MOV10L1: variants seen among roughly 807,000 people sequenced by gnomAD.
The protein encoded by MOV10L1 is Mov10 like RNA helicase 1.
A neutral mutation model predicts 143.8 loss-of-function variants in MOV10L1; 110 were observed. The observed-to-expected ratio is 0.76, with a 90% CI of 0.66 to 0.90. The LOEUF (loss-of-function observed/expected upper bound fraction) is 0.90, where lower values mean the gene tolerates loss of function less well. MOV10L1 is among the 40% of genes least tolerant of loss of function. The pLI is 0.00. For synonymous variants in MOV10L1, 593 were observed against 581.1 expected, an observed-to-expected ratio of 1.02 and a Z score of -0.29; for missense variants, 1,406 against 1,526.8, an observed-to-expected ratio of 0.92 and a Z score of 1.32.
chr22:50,132,136 T>C (rs191863650), intron 13 of MOV10L1, among the ~76,000 whole-genome samples: 2 of 152,284 alleles, frequency 1.3e-5, no homozygotes, highest in East Asian at 3.9e-4. Context: ...CAACTCCTCA[T>C]ACCCAGTAAC....
intron 13 of MOV10L1, 64 bp downstream of exon 13, chr22:50,128,571 G>T (rs577967927): frequency 6.2e-5 from 48 of 777,156 alleles, no homozygotes; most frequent in South Asian, 4.1e-4. Context: ...TTGAGACTGG[G>T]TCTCATTCTG....
At chr22:50,146,549 G>A (rs1013627138) in intron 19 of MOV10L1, among the ~76,000 whole-genome samples, 2 of 152,142 alleles carry the variant, frequency 1.3e-5, no homozygotes, top group African/African-American at 4.8e-5. Flanking sequence ...GGCTGAGGGT[G>A]AGAGAGGGAG....
intron 6 of MOV10L1, 122 bp downstream of exon 6, chr22:50,113,910 T>A: frequency 1.3e-6 from 1 of 781,258 alleles, no homozygotes; most frequent in Non-Finnish European, 1.7e-6. Context: ...TGAAGATCTT[T>A]TCTTTTTTTT....
At chr22:50,117,682 C>T (rs977751621) in intron 9 of MOV10L1, among the ~76,000 whole-genome samples, 64 of 152,194 alleles carry the variant, frequency 4.2e-4, no homozygotes, top group African/African-American at 1.4e-3. Flanking sequence ...CCACCTCTCC[C>T]GTCCTGACGA....
chr22:50,149,361 C>T, intron 19 of MOV10L1: 1 of 492,632 alleles, frequency 2.0e-6, no homozygotes. Context: ...GCTCCCACCC[C>T]TTCTTCCCTC....
chr22:50,133,725 G>A (rs1223408056), intron 13 of MOV10L1, among the ~76,000 whole-genome samples: 1 of 151,970 alleles, frequency 6.6e-6, no homozygotes, highest in South Asian at 2.1e-4. Flanking sequence ...TGTATTTTTA[G>A]TAGAGGCAGG....
rs1017060293 is a variant in MOV10L1 at position 50,161,363 on chromosome 22, T to C, written c.3555-5T>C. 11 of 1,588,440 alleles carry C rather than the reference T, an allele frequency of 6.9e-6. No homozygotes were observed. In the South Asian group the frequency reaches 8.0e-5, roughly 12 times the overall value. On this transcript the variant is annotated splice_polypyrimidine_tract_variant and splice_region_variant and intron_variant, in intron 26 of 26. Transcript: ENST00000262794. ...ACTGGCCATCCGCTTCTCCTCTGTCTACAGCTGTGGCGAGGGGGTGGCAGA... is the reference window on the plus strand; with the variant it reads ...ACTGGCCATCCGCTTCTCCTCTGTCCACAGCTGTGGCGAGGGGGTGGCAGA...
chr22:50,139,684 C>T (rs1057463988), intron 15 of MOV10L1, among the ~76,000 whole-genome samples: 1 of 152,146 alleles, frequency 6.6e-6, no homozygotes. Flanking sequence ...TGCCTAAGAA[C>T]TCAATTTTTT....
intron 10 of MOV10L1, among the ~76,000 whole-genome samples, chr22:50,123,016 A>G (rs1012117380): frequency 1.3e-5 from 2 of 151,510 alleles, no homozygotes; most frequent in Admixed American, 1.3e-4. Context: ...TTCTCTTCCT[A>G]GTTTGTTAAA....
chr22:50,138,821 G>A (rs951367380), intron 15 of MOV10L1, among the ~76,000 whole-genome samples: 8 of 151,762 alleles, frequency 5.3e-5, no homozygotes, highest in African/African-American at 1.7e-4. Context: ...CTCCTGCCTC[G>A]GCCTCCTGAG....
chr22:50,130,580 G>C (rs1172476288), intron 13 of MOV10L1, among the ~76,000 whole-genome samples: 2 of 152,124 alleles, frequency 1.3e-5, no homozygotes, highest in Admixed American at 6.6e-5. Context: ...GACCAGGAGG[G>C]GGGTACTTTT....
At chr22:50,122,723 T>TTTTCTTTC (rs149625408) in intron 10 of MOV10L1, among the ~76,000 whole-genome samples, 7 of 150,238 alleles carry the variant, frequency 4.7e-5, no homozygotes, top group Non-Finnish European at 1.0e-4. Context: ...GAGGTGATGG[T>TTTTCTTTC]TTTCTTTCTT....
At chr22:50,107,646 G>A (rs2061909088) in intron 3 of MOV10L1, among the ~76,000 whole-genome samples, 1 of 152,202 alleles carries the variant, frequency 6.6e-6, no homozygotes, top group African/African-American at 2.4e-5. Flanking sequence ...CCAGCTGCGG[G>A]AGGCCCAGCG....
chr22:50,111,486 C>CTTTTTTTT lies in MOV10L1; in HGVS notation c.744-2142_744-2135dup, dbSNP rs529438045. ...GAGTGGGGTCCCGACTCTGTCTTTG[C>CTTTTTTTT]TTTTTTTTTTTTTTTTTTTTTTTTT... On this transcript the variant is annotated intron_variant, in intron 5 of 26. Transcript: ENST00000262794. 1.9e-4 allele frequency among the ~76,000 whole-genome samples: 11 copies of CTTTTTTTT among 59,148 alleles called. 1 individual carries two copies. The highest frequency in any genetic ancestry group is 2.3e-4 in the Non-Finnish European group (7 of 31,030). The allele number at this position is 59,148 out of a possible 152,430, so 38.8% of individuals were successfully genotyped here. A position where few individuals can be genotyped will look rare whatever the true frequency, so the allele number is the denominator to read the frequency against.
chr22:50,157,918 C>T (rs2063467877), intron 22 of MOV10L1, 139 bp from the exon 23 acceptor site: 3 of 1,021,736 alleles, frequency 2.9e-6, no homozygotes, highest in Non-Finnish European at 4.3e-6. Flanking sequence ...GCCCTGCTCA[C>T]ATGTAAGTTC....
rs765513272 is a variant in MOV10L1, at chr22:50,126,241, A to G, written c.1787A>G (p.His596Arg). 2 of 1,612,614 alleles carry G rather than the reference A, an allele frequency of 1.2e-6. No homozygotes were observed. The highest frequency in any genetic ancestry group is 1.7e-6 in the Non-Finnish European group (2 of 1,178,620). ...LILKTQEYNG[H>R]AIEYISYVTE... ...TTAAAAACTCAAGAGTACAATGGAC[A>G]TGCCATCGAATACATCAGCTACGTG... Residue 596 changes from histidine to arginine, a missense_variant, in exon 12 of 27, where the codon CAT becomes CGT. His to Arg is a conservative substitution (Grantham distance 29). Around this residue, in one of 3 missense-constraint regions of MOV10L1, gnomAD observed 1,233 missense variants for 1,351.4 expected, o/e 0.91. Transcript: ENST00000262794.
At chr22:50,126,363 T>C (rs1354172687) in intron 12 of MOV10L1, 91 bp downstream of exon 12, 10 of 835,648 alleles carry the variant, frequency 1.2e-5, no homozygotes, top group Non-Finnish European at 1.7e-5. Context: ...CTTGGGGAGA[T>C]GCTCCCATAT....
In MOV10L1 at chr22:50,108,237, C is replaced by A; in HGVS notation, c.544C>A (p.Arg182Ser). The change falls in exon 4 of 27, where the codon CGC becomes AGC. Residue 182 changes from arginine to serine, a missense_variant. Around this residue, in one of 3 missense-constraint regions of MOV10L1, gnomAD observed 1,233 missense variants for 1,351.4 expected, o/e 0.91. Coordinates refer to ENST00000262794, the MANE Select transcript of MOV10L1 (RefSeq NM_018995.3). ...CTCAGTGAAGCCACTGAGATACAAG[C>A]GCGTGGACAAGGTAGCGTGCCGACT... is the stretch of plus-strand genomic sequence containing the variant. Reference protein sequence around the residue: ...ATSVKPLRYKRVDKVCISSLC... With the variant: ...ATSVKPLRYKSVDKVCISSLC... 6.2e-7 allele frequency: 1 copy of A among 1,612,800 alleles called. No individual in the cohort carries two copies. Among genetic ancestry groups the A allele is most frequent in the Non-Finnish European group, 8.5e-7 (1 of 1,179,470 alleles).
chr22:50,119,033 C>T (rs979430823), intron 9 of MOV10L1, among the ~76,000 whole-genome samples: 3 of 152,130 alleles, frequency 2.0e-5, no homozygotes, highest in South Asian at 2.1e-4. Context: ...CCCCGAGGAT[C>T]GAGTTTTAAT....
Sources: gnomAD v4.1 joint callset for allele counts (sites outside exome capture counted in the v4.1 genomes callset) on GRCh38, gnomAD v4.1.1 for gene constraint, gnomAD v4.1.1 regional missense constraint, MANE v1.5 for transcripts, NCBI Gene and HGNC (gene_info 2026-07-23, HGNC 2026-07-21) for gene names.